Variants in CDKAL1 observed in about 807,000 individuals in gnomAD.
The protein encoded by CDKAL1 is threonylcarbamoyladenosine tRNA methylthiotransferase.
CDKAL1 carries 32 observed loss-of-function variants against 68.2 expected under a neutral mutation model. The ratio of observed to expected loss-of-function variants is 0.47; its 90% CI spans 0.35 to 0.63. The LOEUF (loss-of-function observed/expected upper bound fraction) is 0.63, where lower values mean the gene tolerates loss of function less well. CDKAL1 is among the 30% of genes least tolerant of loss of function. CDKAL1 has a pLI of 0.00. For synonymous variants in CDKAL1, 234 were observed against 244.3 expected, an observed-to-expected ratio of 0.96 and a Z score of 0.39; for missense variants, 606 against 696.7, an observed-to-expected ratio of 0.87 and a Z score of 1.47.
chr6:20,702,913 T>A (rs1771434934), intron 5 of CDKAL1, among the ~76,000 whole-genome samples: 1 of 152,170 alleles, frequency 6.6e-6, no homozygotes, highest in South Asian at 2.1e-4. Context: ...GGGACCACGC[T>A]CTTCCCTTCC....
At position 20,901,869 on chromosome 6, in the gene CDKAL1, C is replaced by T. The variant is rs143228546; in HGVS notation, c.743-53550C>T. On this transcript the variant is annotated intron_variant, in intron 9 of 15. Coordinates refer to ENST00000274695, the MANE Select transcript of CDKAL1 (RefSeq NM_017774.3). ...TCAGCTCACTGCAACCTCTGCCTCCCGGGCTCAAGCAATTTTCATGCCTCA... is the reference window on the plus strand; with the variant it reads ...TCAGCTCACTGCAACCTCTGCCTCCTGGGCTCAAGCAATTTTCATGCCTCA... 4.1e-3 allele frequency among the ~76,000 whole-genome samples: 617 copies of T among 151,654 alleles called. 1 individual carries two copies. The highest frequency in any genetic ancestry group is 0.014 in the African/African-American group (587 of 41,406).
At chr6:20,568,159 G>C (rs1466235322) in intron 4 of CDKAL1, among the ~76,000 whole-genome samples, 1 of 151,924 alleles carries the variant, frequency 6.6e-6, no homozygotes, top group Non-Finnish European at 1.5e-5. Flanking sequence ...TTACAGGCGT[G>C]AGCCACCGTG....
chr6:20,591,229 GT>G (rs1440652855), intron 4 of CDKAL1, among the ~76,000 whole-genome samples: 1 of 152,072 alleles, frequency 6.6e-6, no homozygotes, highest in African/African-American at 2.4e-5. Flanking sequence ...ATTTGTTTAA[GT>G]TCTTTGTAGA....
chr6:20,732,449 T>G (rs1356073948), intron 5 of CDKAL1, among the ~76,000 whole-genome samples: 1 of 150,526 alleles, frequency 6.6e-6, no homozygotes, highest in African/African-American at 2.4e-5. Context: ...CTATTTTTTT[T>G]TTTTTTTTGG....
chr6:21,106,495 GGGCCCAGGAGCCCAA>G (rs1248906769), intron 12 of CDKAL1, among the ~76,000 whole-genome samples: 1 of 152,186 alleles, frequency 6.6e-6, no homozygotes, highest in African/African-American at 2.4e-5. Flanking sequence ...AGGATCACTT[GGGCCCAGGAGCCCAA>G]GGCTGCAGTG....
intron 4 of CDKAL1, among the ~76,000 whole-genome samples, chr6:20,619,641 A>G (rs1345326959): frequency 2.0e-5 from 3 of 152,164 alleles, no homozygotes; most frequent in East Asian, 1.9e-4. Context: ...TTGACTGGCA[A>G]TTCTTCCTTT....
intron 2 of CDKAL1, among the ~76,000 whole-genome samples, chr6:20,537,072 C>T (rs1763203009): frequency 6.6e-6 from 1 of 152,216 alleles, no homozygotes; most frequent in East Asian, 1.9e-4. Context: ...CAGAGTCTCG[C>T]TCTGTCGCCC....
intron 8 of CDKAL1, among the ~76,000 whole-genome samples, chr6:20,783,317 A>G (rs1470605536): frequency 6.6e-6 from 1 of 151,860 alleles, no homozygotes; most frequent in Non-Finnish European, 1.5e-5. Flanking sequence ...GGTCTGTCAA[A>G]CTCTGTTAGA....
intron 13 of CDKAL1, among the ~76,000 whole-genome samples, chr6:21,121,906 C>T (rs1211154065): frequency 6.6e-6 from 1 of 152,124 alleles, no homozygotes; most frequent in Non-Finnish European, 1.5e-5. Flanking sequence ...TTAATTCTTC[C>T]TAACAGCTGC....
At position 20,539,665 on chromosome 6, in the gene CDKAL1, G is replaced by C. The variant is rs555529748; in HGVS notation, c.-6+4271G>C. 1.3e-5 allele frequency among the ~76,000 whole-genome samples: 2 copies of C among 152,312 alleles called. No homozygotes were observed. Among genetic ancestry groups the C allele is most frequent in the Admixed American group, 1.3e-4 (2 of 15,300 alleles). On this transcript the variant is annotated intron_variant, in intron 2 of 15. Transcript: ENST00000274695. The surrounding 1 kb of genome is among the most constrained non-coding windows in gnomAD (Gnocchi z 4.3). ...ACGAAATAACAAAGCCTGCATGACT[G>C]AGGGGAGCGTGGTAGGAAGTGGGGC...
intron 12 of CDKAL1, among the ~76,000 whole-genome samples, chr6:21,090,599 C>CAT (rs961587200): frequency 2.6e-5 from 4 of 152,206 alleles, no homozygotes; most frequent in East Asian, 1.9e-4. Flanking sequence ...GAATGACACT[C>CAT]ATATATATAT....
At chr6:20,761,893 G>A (rs767629639) in intron 7 of CDKAL1, among the ~76,000 whole-genome samples, 55 of 152,216 alleles carry the variant, frequency 3.6e-4, no homozygotes, top group African/African-American at 9.6e-4. Context: ...AACACCAAGC[G>A]TGAACCCTAA....
intron 10 of CDKAL1, among the ~76,000 whole-genome samples, chr6:20,967,268 T>C (rs1468094949): frequency 6.6e-6 from 1 of 152,184 alleles, no homozygotes; most frequent in African/African-American, 2.4e-5. Context: ...GGGTTAGGAC[T>C]TACATTTACA....
intron 8 of CDKAL1, among the ~76,000 whole-genome samples, chr6:20,796,734 G>A (rs1267498463): frequency 2.0e-5 from 3 of 152,136 alleles, no homozygotes; most frequent in Non-Finnish European, 2.9e-5. Flanking sequence ...TCATCCAAGG[G>A]AGAAAGCAGT....
chr6:21,186,869 C>A (rs895336887), intron 13 of CDKAL1, among the ~76,000 whole-genome samples: 1 of 152,106 alleles, frequency 6.6e-6, no homozygotes, highest in African/African-American at 2.4e-5. Context: ...GAGCAGCCCT[C>A]TCCAATAAAA....
At chr6:20,791,595 G>C (rs1383857840) in intron 8 of CDKAL1, among the ~76,000 whole-genome samples, 1 of 152,166 alleles carries the variant, frequency 6.6e-6, no homozygotes, top group Non-Finnish European at 1.5e-5. Flanking sequence ...GTACGCAGCA[G>C]AGTTTTACAG....
intron 4 of CDKAL1, among the ~76,000 whole-genome samples, chr6:20,642,320 A>G (rs1374374661): frequency 6.6e-6 from 1 of 152,136 alleles, no homozygotes; most frequent in Non-Finnish European, 1.5e-5. Context: ...AAAATGACAA[A>G]CTGGAAAAAA....
chr6:21,002,662 A>G (rs1185200925), intron 11 of CDKAL1, among the ~76,000 whole-genome samples: 1 of 151,982 alleles, frequency 6.6e-6, no homozygotes, highest in East Asian at 1.9e-4. Flanking sequence ...TATTTTAAAA[A>G]AAAAAAAAAA....
chr6:20,871,860 G>A (rs1424571096), intron 9 of CDKAL1, among the ~76,000 whole-genome samples: 10 of 152,126 alleles, frequency 6.6e-5, no homozygotes, highest in Non-Finnish European at 1.2e-4. Context: ...GAATCTAGGT[G>A]TCATAGCTCT....
Sources: gnomAD v4.1 joint callset for allele counts (sites outside exome capture counted in the v4.1 genomes callset) on GRCh38, gnomAD v4.1.1 for gene constraint, Gnocchi (gnomAD v3.1) non-coding constraint, MANE v1.5 for transcripts, NCBI Gene and HGNC (gene_info 2026-07-23, HGNC 2026-07-21) for gene names.